Variants in RETREG1 observed in about 807,000 individuals in gnomAD.
RETREG1 encodes family with sequence similarity 134 member B.
A neutral mutation model predicts 54.8 loss-of-function variants in RETREG1; 44 were observed. That is an observed-to-expected ratio of 0.80 (90% CI 0.63 to 1.03). The LOEUF (loss-of-function observed/expected upper bound fraction) is 1.03. RETREG1 is among the 50% of genes least tolerant of loss of function. The probability of loss-of-function intolerance (pLI) is 0.00; values close to 1 mark genes in which losing one functional copy is unlikely to be tolerated. For missense variants in RETREG1, 554 were observed against 605.1 expected (o/e 0.92, Z 0.89); for synonymous variants, 217 against 238.5 (o/e 0.91, Z 0.83).
In RETREG1 at chr5:16,477,668, A is replaced by C; in HGVS notation, c.994T>G (p.Ser332Ala). The change falls in exon 8 of 9, where the codon TCT becomes GCT. Residue 332 changes from serine to alanine, a missense_variant. By Grantham distance (99) the Ser-to-Ala change is moderately conservative (BLOSUM62 1). This residue lies in a region of RETREG1 where 347 missense variants were observed against 412.3 expected (regional missense o/e 0.84). Coordinates refer to ENST00000306320, the MANE Select transcript of RETREG1 (RefSeq NM_001034850.3). ...SEGYTPQTDT[S>A]DDLDRPSEEV... ...TCCAGAAATATTAGCATACCATCAG[A>C]AGTGTCTGTCTGTGGAGTGTATCCT... is the stretch of plus-strand genomic sequence containing the variant. 1 of 1,613,042 alleles carries C rather than the reference A, an allele frequency of 6.2e-7. No individual in the cohort carries two copies. The highest frequency in any genetic ancestry group is 8.5e-7 in the Non-Finnish European group (1 of 1,179,294).
chr5:16,501,773 G>T (rs751394044), intron 3 of RETREG1, among the ~76,000 whole-genome samples: 1 of 151,836 alleles, frequency 6.6e-6, no homozygotes, highest in Non-Finnish European at 1.5e-5. Flanking sequence ...TTGAACTCCT[G>T]ACCTCAAATG....
At chr5:16,555,713 GAA>G (rs1402713546) in intron 3 of RETREG1, among the ~76,000 whole-genome samples, 1 of 151,976 alleles carries the variant, frequency 6.6e-6, no homozygotes, top group Non-Finnish European at 1.5e-5. Context: ...TACAATTGGG[GAA>G]AAATTAAAGT....
At position 16,509,038 on chromosome 5, in the gene RETREG1, C is replaced by CT. The variant is rs11403979; in HGVS notation, c.459-25567dup. 0.39 allele frequency: 353,852 copies of CT among 900,312 alleles called. 12,918 individuals are homozygous for CT. The highest frequency in any genetic ancestry group is 0.48 in the Admixed American group (6,993 of 14,612). 55.8% of individuals were successfully genotyped at this position (900,312 alleles called of 1,614,324 possible). ...CCGCCTGCCCTTTTTCTTCCCCCGG[C>CT]TTTTTTTTTTTTTTTTCTGGCATGA... On this transcript the variant is annotated intron_variant, in intron 3 of 8. Coordinates refer to ENST00000306320, the MANE Select transcript of RETREG1 (RefSeq NM_001034850.3).
At chr5:16,526,120 A>G (rs759625307) in intron 3 of RETREG1, among the ~76,000 whole-genome samples, 14 of 152,230 alleles carry the variant, frequency 9.2e-5, no homozygotes, top group Admixed American at 9.2e-4. Flanking sequence ...GCAAGTTGAC[A>G]TGAATTTAAC....
intron 3 of RETREG1, among the ~76,000 whole-genome samples, chr5:16,562,988 G>T (rs903492042): frequency 1.3e-5 from 2 of 152,182 alleles, no homozygotes; most frequent in South Asian, 2.1e-4. Context: ...ATGGGGGGAT[G>T]GGGGGGACTG....
intron 3 of RETREG1, among the ~76,000 whole-genome samples, chr5:16,525,638 T>G (rs1020980239): frequency 1.3e-5 from 2 of 151,986 alleles, no homozygotes; most frequent in Admixed American, 6.6e-5. Flanking sequence ...TAGCAGCAAT[T>G]TAAGCAAAAC....
intron 1 of RETREG1, among the ~76,000 whole-genome samples, chr5:16,607,940 C>T (rs907390035): frequency 5.3e-5 from 8 of 151,386 alleles, no homozygotes; most frequent in Non-Finnish European, 1.0e-4. Flanking sequence ...AGTGGGGTGG[C>T]GTGATCTCAG....
chr5:16,571,167 G>A (rs1229211857), intron 2 of RETREG1, among the ~76,000 whole-genome samples: 3 of 152,152 alleles, frequency 2.0e-5, no homozygotes, highest in African/African-American at 7.2e-5. Flanking sequence ...GAGGAGATGG[G>A]TGCCTCCCAT....
At chr5:16,548,996 T>C (rs763402843) in intron 3 of RETREG1, among the ~76,000 whole-genome samples, 2 of 152,204 alleles carry the variant, frequency 1.3e-5, no homozygotes, top group African/African-American at 2.4e-5. Flanking sequence ...ACTGACACAG[T>C]AGCAGAGCTG....
rs765114638 is a variant in RETREG1 at position 16,474,707 on chromosome 5, G to GT, written c.*33dup. On this transcript the variant is annotated 3_prime_UTR_variant, in exon 9 of 9. Coordinates refer to ENST00000306320, the MANE Select transcript of RETREG1 (RefSeq NM_001034850.3). ...TTTTCTTGTTTGAAATTTTTTTGGTGTTTTTTGTGCTCTGTTGCAAGCTGA... is the reference window on the plus strand; with the variant it reads ...TTTTCTTGTTTGAAATTTTTTTGGTGTTTTTTTGTGCTCTGTTGCAAGCTGA... The GT allele has an allele frequency of 5.1e-6, 7 of 1,372,252 alleles. No homozygotes were observed. The African/African-American group carries it at 6.9e-5, about 14-fold the overall frequency. 85.0% of individuals were successfully genotyped at this position (1,372,252 alleles called of 1,614,324 possible). A position where few individuals can be genotyped will look rare whatever the true frequency, so the allele number is the denominator to read the frequency against.
At chr5:16,503,691 G>C (rs56190730) in intron 3 of RETREG1, among the ~76,000 whole-genome samples, 34,119 of 145,500 alleles carry the variant, frequency 0.23, 4,328 homozygotes, top group Middle Eastern at 0.31. Flanking sequence ...AAGAAAGAAA[G>C]AAAAGAAAAC....
rs369448097 is a variant in RETREG1 at position 16,572,271 on chromosome 5, G to A, written c.321-169C>T. 1.4e-3 allele frequency among the ~76,000 whole-genome samples: 209 copies of A among 150,122 alleles called. 2 individuals carry two copies. The highest frequency in any genetic ancestry group is 4.9e-3 in the African/African-American group (198 of 40,506). ...TCTGTTGCCCAGGCTGGAGTGCAGT[G>A]GCACTACCTCGGCTCACTGCAACCT... On this transcript the variant is annotated intron_variant, in intron 1 of 8. Coordinates refer to ENST00000306320, the MANE Select transcript of RETREG1 (RefSeq NM_001034850.3).
At chr5:16,510,251 C>T (rs945953360) in intron 3 of RETREG1, among the ~76,000 whole-genome samples, 1 of 152,040 alleles carries the variant, frequency 6.6e-6, no homozygotes, top group African/African-American at 2.4e-5. Context: ...TCATATTTTA[C>T]GCAAGACCTA....
chr5:16,595,147 A>T (rs1234832496), intron 1 of RETREG1, among the ~76,000 whole-genome samples: 5 of 152,232 alleles, frequency 3.3e-5, no homozygotes, highest in Admixed American at 2.6e-4. Flanking sequence ...TCATGGTGAG[A>T]GTCCCGTCAG....
intron 3 of RETREG1, among the ~76,000 whole-genome samples, chr5:16,501,933 A>G (rs928620807): frequency 6.6e-6 from 1 of 150,766 alleles, no homozygotes; most frequent in Non-Finnish European, 1.5e-5. Flanking sequence ...ATAAAATTTT[A>G]TAACTATAAA....
chr5:16,576,971 TTTAA>T (rs1241224548), intron 1 of RETREG1, among the ~76,000 whole-genome samples: 1 of 152,186 alleles, frequency 6.6e-6, no homozygotes, highest in Non-Finnish European at 1.5e-5. Context: ...AAAAAATTAC[TTTAA>T]TTCTTAATGT....
intron 3 of RETREG1, among the ~76,000 whole-genome samples, chr5:16,515,125 T>C (rs890099276): frequency 4.6e-5 from 7 of 152,030 alleles, no homozygotes; most frequent in Non-Finnish European, 1.0e-4. Context: ...CACCCAGTAG[T>C]GGGATTGCTG....
At chr5:16,508,873 A>T in intron 3 of RETREG1, 5 of 1,362,336 alleles carry the variant, frequency 3.7e-6, no homozygotes, top group Non-Finnish European at 4.7e-6. Flanking sequence ...TCTAAAAATA[A>T]ATAGGTCACC....
chr5:16,483,862 G>C (rs377254763), intron 3 of RETREG1, among the ~76,000 whole-genome samples: 1 of 152,040 alleles, frequency 6.6e-6, no homozygotes, highest in Non-Finnish European at 1.5e-5. Context: ...ATCCTATTGA[G>C]TCTCAATGTG....
Sources: allele counts gnomAD v4.1 joint callset (sites outside exome capture counted in the v4.1 genomes callset), GRCh38; gene constraint gnomAD v4.1.1; regional missense constraint gnomAD v4.1.1; transcripts MANE v1.5; gene names NCBI Gene and HGNC (gene_info 2026-07-23, HGNC 2026-07-21).